Variants in SYTL2 observed in about 807,000 individuals in gnomAD.
SYTL2 encodes synaptotagmin-like protein 2.
A neutral mutation model predicts 198.7 loss-of-function variants in SYTL2; 165 were observed. The observed-to-expected ratio is 0.83, with a 90% CI of 0.73 to 0.94. SYTL2 has a LOEUF of 0.94. Among genes scored for constraint, SYTL2 ranks in the 40% least tolerant of loss-of-function variants. The probability of loss-of-function intolerance (pLI) is 0.00; values close to 1 mark genes in which losing one functional copy is unlikely to be tolerated. For synonymous variants in SYTL2, 966 were observed against 917.7 expected (o/e 1.05, Z -0.95); for missense variants, 2,835 against 2,582.8 (o/e 1.10, Z -2.12).
At chr11:85,773,729 C>T (rs139890685) in intron 1 of SYTL2, among the ~76,000 whole-genome samples, 20 of 152,158 alleles carry the variant, frequency 1.3e-4, no homozygotes, top group African/African-American at 4.8e-4. Flanking sequence ...TTCCAAAAGA[C>T]CAGAAATTTA....
chr11:85,748,455 G>A, intron 2 of SYTL2, 32 bp from the exon 3 acceptor site: 1 of 1,610,462 alleles, frequency 6.2e-7, no homozygotes, highest in South Asian at 1.1e-5. Flanking sequence ...AGTTTGCTGA[G>A]AACCCACAGT....
Position 85,710,087 on chromosome 11 carries a change from G to A in SYTL2, c.5746-587C>T, listed in dbSNP as rs572030013. Among the ~76,000 whole-genome samples, 5 of 152,294 alleles carry A rather than the reference G, an allele frequency of 3.3e-5. No homozygotes were observed. In the East Asian group the frequency reaches 5.8e-4, roughly 18 times the overall value. On this transcript the variant is annotated intron_variant, in intron 13 of 19. Transcript: ENST00000359152. ...TCAAAGCAGGGTGATTTTATGCTAGGTGGCATTCAAAGGCATCCATTTTCT... is the reference window on the plus strand; with the variant it reads ...TCAAAGCAGGGTGATTTTATGCTAGATGGCATTCAAAGGCATCCATTTTCT...
At chr11:85,844,682 G>C in the SYTL2 span, among the ~76,000 whole-genome samples, 2 of 152,214 alleles carry the variant, frequency 1.3e-5, no homozygotes, top group African/African-American at 4.8e-5. Flanking sequence ...GGCAGAGCCT[G>C]AGACAAGCTC....
At chr11:85,779,485 C>CA (rs1336776603) in intron 1 of SYTL2, among the ~76,000 whole-genome samples, 1 of 152,102 alleles carries the variant, frequency 6.6e-6, no homozygotes, top group East Asian at 1.9e-4. Flanking sequence ...ATTTCACCTC[C>CA]ATATGTGCTC....
At chr11:85,699,553 CTCTAAT>C (rs1024297407) in intron 17 of SYTL2, among the ~76,000 whole-genome samples, 12 of 152,110 alleles carry the variant, frequency 7.9e-5, no homozygotes, top group African/African-American at 2.9e-4. Flanking sequence ...TTTACTTGCC[CTCTAAT>C]TCTTTCTTTT....
the SYTL2 span, among the ~76,000 whole-genome samples, chr11:85,818,640 T>G: frequency 1.4e-5 from 2 of 139,344 alleles, no homozygotes; most frequent in Non-Finnish European, 3.1e-5. Context: ...AATAAGATCA[T>G]GGTAATGTAT....
chr11:85,842,971 G>C, the SYTL2 span, among the ~76,000 whole-genome samples: 1 of 152,118 alleles, frequency 6.6e-6, no homozygotes, highest in East Asian at 1.9e-4. Context: ...TTAATGACTC[G>C]GTTAAATCTA....
chr11:85,725,779 C>T lies in SYTL2; in HGVS notation c.3579G>A (p.Glu1193=). ...GATGAACTACTGTTTTGTCAACATGCTCATTAATGATCTTCTCAGGTCCTT... is the reference window on the plus strand; with the variant it reads ...GATGAACTACTGTTTTGTCAACATGTTCATTAATGATCTTCTCAGGTCCTT... The part of the protein sequence containing the change: ...EVKGPEKIIN[E]HVDKTVVHPK... Residue 1193 remains glutamate, a synonymous_variant, in exon 8 of 20, where the codon GAG becomes GAA. Transcript: ENST00000359152. The T allele has an allele frequency of 6.2e-7, 1 of 1,614,038 alleles. No homozygotes were observed. The highest frequency in any genetic ancestry group is 2.2e-5 in the East Asian group (1 of 44,890).
rs114519485 is a variant in SYTL2, at chr11:85,704,955, C to T, written c.6092G>A (p.Arg2031His). ...LSIWHRDTFK[R>H]NSFLGEVELD... ...TTCCACCTCCCCTAGGAAACTATTG[C>T]GCTTAAATGTATCCCGATGCCAAAT... The change falls in exon 16 of 20, where the codon CGC becomes CAC. Residue 2031 changes from arginine (R) to histidine (H), a missense_variant. Arg to His is a conservative substitution (Grantham distance 29). Transcript: ENST00000359152. The T allele has an allele frequency of 9.8e-5, 158 of 1,613,582 alleles. 4 individuals carry two copies. The highest frequency in any genetic ancestry group is 3.3e-4 in the Admixed American group (20 of 60,008).
chr11:85,842,449 C>T, the SYTL2 span, among the ~76,000 whole-genome samples: 1 of 152,234 alleles, frequency 6.6e-6, no homozygotes, highest in Non-Finnish European at 1.5e-5. Context: ...CGTATTTTCT[C>T]CTGTCTCCCA....
chr11:85,837,855 T>G, the SYTL2 span, among the ~76,000 whole-genome samples: 6 of 152,198 alleles, frequency 3.9e-5, no homozygotes, highest in Non-Finnish European at 1.5e-5. Context: ...GTAACTGGTC[T>G]TTTCCAAACC....
intron 1 of SYTL2, among the ~76,000 whole-genome samples, chr11:85,769,847 C>T (rs1388464216): frequency 6.6e-6 from 1 of 152,130 alleles, no homozygotes; most frequent in East Asian, 1.9e-4. Flanking sequence ...AATAACCGCA[C>T]AGGCCCGTGG....
rs577370153 is a variant in SYTL2, at chr11:85,702,957, G to A, written c.6189+1901C>T. Among the ~76,000 whole-genome samples, 4 of 152,278 alleles carry A rather than the reference G, an allele frequency of 2.6e-5. No individual in the cohort carries two copies. The South Asian group carries it at 8.3e-4, about 32-fold the overall frequency. On this transcript the variant is annotated intron_variant, in intron 16 of 19. Coordinates refer to ENST00000359152, the MANE Select transcript of SYTL2 (RefSeq NM_206927.4). ...TTAGGAGAGAAATGGAATCAAAATA[G>A]TCAAAAGAAAATATGCTTTCGAAAA...
rs761616088 is a variant in SYTL2, at chr11:85,704,927, A to C, written c.6120T>G (p.Leu2040=). 5.6e-6 allele frequency: 9 copies of C among 1,613,770 alleles called. No homozygotes were observed. Among genetic ancestry groups the C allele is most frequent in the Non-Finnish European group, 7.6e-6 (9 of 1,179,754 alleles). Residue 2040 remains leucine, a synonymous_variant, in exon 16 of 20, where the codon CTT becomes CTG. Coordinates refer to ENST00000359152, the MANE Select transcript of SYTL2 (RefSeq NM_206927.4). ...KRNSFLGEVE[L]DLETWDWDNK... ...TATCCCAGTCCCATGTTTCCAAATC[A>C]AGTTCCACCTCCCCTAGGAAACTAT...
chr11:85,753,315 G>A (rs1344730190), intron 2 of SYTL2, among the ~76,000 whole-genome samples: 1 of 152,212 alleles, frequency 6.6e-6, no homozygotes, highest in Non-Finnish European at 1.5e-5. Flanking sequence ...CTGCTGGTCT[G>A]TGAAATGTCT....
chr11:85,727,277 C>T lies in SYTL2; in HGVS notation c.2081G>A (p.Gly694Asp). The change falls in exon 8 of 20, where the codon GGT (glycine) becomes GAT (aspartate). Residue 694 changes from glycine to aspartate, a missense_variant. Transcript: ENST00000359152. ...PCNTNNIGNL[G>D]EEEPKFHAHE... ...AGCATGAAACTTGGGTTCTTCTTCA[C>T]CCAAGTTGCCAATATTATTAGTGTT... 2.6e-6 allele frequency: 4 copies of T among 1,535,238 alleles called. No homozygotes were observed. The highest frequency in any genetic ancestry group is 3.5e-6 in the Non-Finnish European group (4 of 1,146,712).
chr11:85,802,014 CTA>C (rs2092896336), intron 1 of SYTL2, among the ~76,000 whole-genome samples: 1 of 151,586 alleles, frequency 6.6e-6, no homozygotes, highest in African/African-American at 2.4e-5. Flanking sequence ...TGGGGTTTTA[CTA>C]TGTTAGCCAG....
chr11:85,785,763 A>G (rs1300476037), intron 1 of SYTL2, among the ~76,000 whole-genome samples: 1 of 152,206 alleles, frequency 6.6e-6, no homozygotes, highest in East Asian at 1.9e-4. Flanking sequence ...CCTGAGAGTC[A>G]ACAGATTTTC....
chr11:85,752,946 A>AAAAAAC (rs2091623366), intron 2 of SYTL2, among the ~76,000 whole-genome samples: 1 of 139,592 alleles, frequency 7.2e-6, no homozygotes, highest in Non-Finnish European at 1.5e-5. Flanking sequence ...AAAAAAAAAA[A>AAAAAAC]AAAAACACAA....
Sources: allele counts gnomAD v4.1 joint callset (sites outside exome capture counted in the v4.1 genomes callset), GRCh38; gene constraint gnomAD v4.1.1; transcripts MANE v1.5; gene names NCBI Gene and HGNC (gene_info 2026-07-23, HGNC 2026-07-21).